FREM1: variants seen among roughly 807,000 people sequenced by gnomAD.
The protein encoded by FREM1 is FRAS1-related extracellular matrix protein 1.
A neutral mutation model predicts 210.1 loss-of-function variants in FREM1; 220 were observed. The ratio of observed to expected loss-of-function variants is 1.05; its 90% CI spans 0.94 to 1.17. FREM1 has a LOEUF of 1.17. Ranked by LOEUF, FREM1 falls within the 50% of genes most tolerant of loss-of-function variation. FREM1 has a pLI of 0.00. For missense variants in FREM1, 3,454 were observed against 2,675.5 expected (o/e 1.29, Z -6.42); for synonymous variants, 1,189 against 980.2 (o/e 1.21, Z -3.98).
At chr9:14,909,114 A>G (rs1190428920) in intron 1 of FREM1, among the ~76,000 whole-genome samples, 2 of 152,176 alleles carry the variant, frequency 1.3e-5, no homozygotes, top group Admixed American at 1.3e-4. Flanking sequence ...CCCAGGCTAT[A>G]AACACCAATT....
chr9:14,868,734 T>C lies in FREM1; in HGVS notation c.234+10A>G. 1 of 1,569,822 alleles carries C rather than the reference T, an allele frequency of 6.4e-7. No individual in the cohort carries two copies. ...ACACGACTGAACAGAAAATCGCAGA[T>C]AGGACCTACCTGTGGAGTGAGTTTC... On this transcript the variant is annotated intron_variant, in intron 2 of 36. Coordinates refer to ENST00000380880, the MANE Select transcript of FREM1 (RefSeq NM_001379081.2).
At chr9:14,772,977 C>T (rs1051438900) in intron 25 of FREM1, among the ~76,000 whole-genome samples, 3 of 152,286 alleles carry the variant, frequency 2.0e-5, no homozygotes, top group South Asian at 4.1e-4. Flanking sequence ...TCTAGCAACA[C>T]GGTCCCGTCA....
At chr9:14,849,314 C>T (rs1254284188) in intron 6 of FREM1, among the ~76,000 whole-genome samples, 1 of 152,176 alleles carries the variant, frequency 6.6e-6, no homozygotes, top group Non-Finnish European at 1.5e-5. Context: ...TGTCGTACTG[C>T]TACTATCAAG....
chr9:14,769,828 G>C lies in FREM1; in HGVS notation c.5100C>G (p.Asn1700Lys), dbSNP rs1011759363. The C allele has an allele frequency of 1.3e-6, 2 of 1,593,778 alleles. No homozygotes were observed. The highest frequency in any genetic ancestry group is 2.7e-5 in the African/African-American group (2 of 74,268). Residue 1700 changes from asparagine to lysine, a missense_variant, in exon 27 of 37, where the codon AAC (asparagine) becomes AAG (lysine). Physicochemically the swap from Asn to Lys is moderately conservative, Grantham distance 94. Coordinates refer to ENST00000380880, the MANE Select transcript of FREM1 (RefSeq NM_001379081.2). ...IHEKFSQKDL[N>K]SKTILYIINP... ...TTATGATGTAAAGAATAGTCTTACTGTTTAAGTCCTTTTGGCTAAATTTCT... is the reference window on the plus strand; with the variant it reads ...TTATGATGTAAAGAATAGTCTTACTCTTTAAGTCCTTTTGGCTAAATTTCT...
chr9:14,879,153 G>A (rs1363083199), intron 1 of FREM1, among the ~76,000 whole-genome samples: 5 of 113,134 alleles, frequency 4.4e-5, no homozygotes, highest in East Asian at 4.0e-4. Context: ...GCAAGATTCC[G>A]TCTCAAAAAA....
intron 13 of FREM1, among the ~76,000 whole-genome samples, chr9:14,819,826 T>A (rs988641711): frequency 1.3e-5 from 2 of 152,186 alleles, no homozygotes; most frequent in African/African-American, 4.8e-5. Context: ...GTCTAAAAAA[T>A]ACACAAAATC....
At chr9:14,739,537 TATATATATTTATATATACAAATATA>T (rs1389199925) in intron 36 of FREM1, among the ~76,000 whole-genome samples, 2 of 142,060 alleles carry the variant, frequency 1.4e-5, no homozygotes, top group African/African-American at 5.6e-5. Context: ...ATGTAAATAT[TATATATATTTATATATACAAATATA>T]ATATATATTT....
rs900773554 is a variant in FREM1 at position 14,896,126 on chromosome 9, C to T, written c.-268+13788G>A. Among the ~76,000 whole-genome samples the T allele has an allele frequency of 3.4e-5, 5 of 149,068 alleles. No homozygotes were observed. The Admixed American group carries it at 3.4e-4, about 10-fold the overall frequency. ...AGTAAAGAAGCTGGCCAAAACTCAC[C>T]AAAATCAAGATGGGGATAAAAGTGA... On this transcript the variant is annotated intron_variant, in intron 1 of 36. Transcript: ENST00000380880.
In FREM1 at chr9:14,797,597, T is replaced by C. The variant is rs1417204390; in HGVS notation, c.3740A>G (p.Asp1247Gly). 2 of 1,612,356 alleles carry C rather than the reference T, an allele frequency of 1.2e-6. No homozygotes were observed. Among genetic ancestry groups the C allele is most frequent in the Non-Finnish European group, 1.7e-6 (2 of 1,178,918 alleles). ...YMHDDSESLA[D>G]DFTIQLSDGK... ...ATCTGACAATTGGATTGTAAAATCA[T>C]CAGCAAGGCTCTCTGAGTCATCATG... is the stretch of plus-strand genomic sequence containing the variant. The change falls in exon 21 of 37, where the codon GAT becomes GGT. Residue 1247 changes from aspartate (D) to glycine (G), a missense_variant. Transcript: ENST00000380880.
chr9:14,881,208 A>G (rs1834733143), intron 1 of FREM1, among the ~76,000 whole-genome samples: 1 of 152,232 alleles, frequency 6.6e-6, no homozygotes, highest in Admixed American at 6.5e-5. Context: ...ATCTTGTATT[A>G]TGCAAAGGCA....
Position 14,784,600 on chromosome 9 carries a change from C to T in FREM1, c.4212G>A (p.Val1404=). ...TTAAGAAACCTCTATCACCTTTAGA[C>T]ACCACGAGTGGTTTTGTAAGGATGA... ...DIVILTKPLV[V]SKGDRGFLTT... Residue 1404 remains valine (V), a synonymous_variant, in exon 24 of 37, where the codon GTG becomes GTA. Transcript: ENST00000380880. 2 of 1,601,830 alleles carry T rather than the reference C, an allele frequency of 1.2e-6. No individual in the cohort carries two copies. Among genetic ancestry groups the T allele is most frequent in the East Asian group, 2.2e-5 (1 of 44,578 alleles).
chr9:14,802,554 T>C (rs547318048), intron 19 of FREM1, among the ~76,000 whole-genome samples: 1 of 152,332 alleles, frequency 6.6e-6, no homozygotes, highest in Admixed American at 6.5e-5. Flanking sequence ...TTCATAATCC[T>C]TTAAACACAA....
chr9:14,882,241 T>C (rs1246885352), intron 1 of FREM1, among the ~76,000 whole-genome samples: 1 of 152,146 alleles, frequency 6.6e-6, no homozygotes, highest in East Asian at 1.9e-4. Context: ...TAACAGCATA[T>C]GGGACAATAG....
chr9:14,739,009 C>CAAAAAAA (rs386414499), intron 36 of FREM1, among the ~76,000 whole-genome samples: 1 of 87,760 alleles, frequency 1.1e-5, no homozygotes, highest in Non-Finnish European at 2.0e-5. Context: ...GATTCTGTCT[C>CAAAAAAA]AAAAAAAAAA....
intron 19 of FREM1, among the ~76,000 whole-genome samples, chr9:14,803,269 C>T (rs932386581): frequency 5.8e-5 from 8 of 136,950 alleles, no homozygotes; most frequent in Middle Eastern, 3.6e-3. Flanking sequence ...CTCTTTCTTT[C>T]CCTCCCTCCC....
chr9:14,850,822 C>T (rs990984910), intron 6 of FREM1, among the ~76,000 whole-genome samples: 1 of 152,244 alleles, frequency 6.6e-6, no homozygotes, highest in Non-Finnish European at 1.5e-5. Flanking sequence ...AAGGCTGCTG[C>T]AGTTCTCAAA....
At chr9:14,860,048 G>C (rs972486479) in intron 3 of FREM1, among the ~76,000 whole-genome samples, 1 of 152,138 alleles carries the variant, frequency 6.6e-6, no homozygotes, top group Non-Finnish European at 1.5e-5. Flanking sequence ...CTAAAATAGA[G>C]GGGTGTCATT....
intron 4 of FREM1, 64 bp downstream of exon 4, chr9:14,859,119 G>A: frequency 1.5e-6 from 2 of 1,306,398 alleles, no homozygotes; most frequent in Non-Finnish European, 2.1e-6. Flanking sequence ...GGTGGAAGGT[G>A]AGCATGCATG....
Position 14,813,003 on chromosome 9 carries a change from C to T in FREM1, c.2702G>A (p.Cys901Tyr). 2 of 1,613,840 alleles carry T rather than the reference C, an allele frequency of 1.2e-6. No homozygotes were observed. The highest frequency in any genetic ancestry group is 2.2e-5 in the South Asian group (2 of 91,074). ...LKADLMPVMN[C>Y]SEGGEVVITS... The stretch of plus-strand genomic sequence containing the variant: ...GATGACCACCTCTCCTCCCTCTGAG[C>T]AATTCATGACAGGCATGAGGTCAGC... The change falls in exon 16 of 37, where the codon TGC becomes TAC. Residue 901 changes from cysteine (C) to tyrosine (Y), a missense_variant. Physicochemically the swap from Cys to Tyr is radical, Grantham distance 194. Transcript: ENST00000380880.
Sources: gnomAD v4.1 joint callset for allele counts (sites outside exome capture counted in the v4.1 genomes callset) on GRCh38, gnomAD v4.1.1 for gene constraint, MANE v1.5 for transcripts, NCBI Gene and HGNC (gene_info 2026-07-23, HGNC 2026-07-21) for gene names.